SERGEF: variants seen among roughly 807,000 people sequenced by gnomAD.
The protein encoded by SERGEF is secretion regulating guanine nucleotide exchange factor.
In SERGEF, 51 loss-of-function variants were observed where a neutral mutation model predicts 50.0. The observed-to-expected ratio is 1.02, with a 90% confidence interval of 0.81 to 1.29. The LOEUF (loss-of-function observed/expected upper bound fraction) is 1.29, where lower values mean the gene tolerates loss of function less well. SERGEF is among the 50% of genes most tolerant of loss of function. The pLI is 0.00. For synonymous variants in SERGEF, 205 were observed against 212.4 expected (o/e 0.97, Z 0.30); for missense variants, 521 against 557.0 (o/e 0.94, Z 0.65).
At chr11:17,797,938 G>A (rs1849599216) in intron 10 of SERGEF, among the ~76,000 whole-genome samples, 1 of 152,158 alleles carries the variant, frequency 6.6e-6, no homozygotes, top group African/African-American at 2.4e-5. Flanking sequence ...GTCCCACAGT[G>A]GGCAGAGGCT....
At chr11:18,012,598 G>A (rs1437273731) in intron 1 of SERGEF, 7 of 1,179,488 alleles carry the variant, frequency 5.9e-6, no homozygotes, top group African/African-American at 3.3e-5. Flanking sequence ...CTCTGGGACC[G>A]GGCGATCCTC....
intron 9 of SERGEF, among the ~76,000 whole-genome samples, chr11:17,893,763 G>A (rs1426598868): frequency 6.6e-6 from 1 of 152,144 alleles, no homozygotes; most frequent in Non-Finnish European, 1.5e-5. Flanking sequence ...GAGATCAGAA[G>A]GCTGAACATA....
chr11:17,802,092 C>G (rs778450917), intron 10 of SERGEF, among the ~76,000 whole-genome samples: 1 of 152,178 alleles, frequency 6.6e-6, no homozygotes, highest in Non-Finnish European at 1.5e-5. Flanking sequence ...GCTGAGCTGC[C>G]AGGACTGCTG....
At chr11:17,865,982 G>C (rs568938880) in intron 10 of SERGEF, among the ~76,000 whole-genome samples, 1 of 152,320 alleles carries the variant, frequency 6.6e-6, no homozygotes, top group South Asian at 2.1e-4. Context: ...AGTAAATGCC[G>C]TATACAGATG....
At position 17,936,947 on chromosome 11, in the gene SERGEF, A is replaced by C. The variant is rs1436323889; in HGVS notation, c.1011+22523T>G. On this transcript the variant is annotated intron_variant, in intron 9 of 10. Transcript: ENST00000265965. ...TAATCCTAGAAATCCTTCCTGAGAA[A>C]ATAATCAGAGATTTGACCAAAGATT... 2.0e-5 allele frequency among the ~76,000 whole-genome samples: 3 copies of C among 152,314 alleles called. No individual in the cohort carries two copies. In the East Asian group the frequency reaches 5.8e-4, roughly 29 times the overall value.
chr11:17,866,179 G>A (rs979495597), intron 10 of SERGEF, among the ~76,000 whole-genome samples: 4 of 152,188 alleles, frequency 2.6e-5, no homozygotes, highest in Admixed American at 2.6e-4. Flanking sequence ...CTTCTGAATA[G>A]CACAAGCTAG....
chr11:17,856,559 C>G (rs960238372), intron 10 of SERGEF: 1 of 152,122 alleles, frequency 6.6e-6, no homozygotes, highest in Non-Finnish European at 1.5e-5. Flanking sequence ...TAATTATGAA[C>G]CTGTGTCTTT....
rs1244504939 is a variant in SERGEF, at chr11:17,865,796, AAG to A, written c.1048+12410_1048+12411del. ...GCTATGGTTAATTTACGTTTGAAGA[AAG>A]AGATTTTTTGTGTGTAATTCAGTGT... is the stretch of plus-strand genomic sequence containing the variant. On this transcript the variant is annotated intron_variant, in intron 10 of 10. Coordinates refer to ENST00000265965, the MANE Select transcript of SERGEF (RefSeq NM_012139.4). Among the ~76,000 whole-genome samples the A allele has an allele frequency of 8.5e-5, 13 of 152,320 alleles. No individual in the cohort carries two copies. In the South Asian group the frequency reaches 2.3e-3, roughly 27 times the overall value.
chr11:17,889,261 G>T (rs532426092), intron 9 of SERGEF, among the ~76,000 whole-genome samples: 34 of 152,286 alleles, frequency 2.2e-4, no homozygotes, highest in African/African-American at 7.7e-4. Context: ...AATTACAAAG[G>T]ATAAATGGTA....
intron 3 of SERGEF, among the ~76,000 whole-genome samples, chr11:18,004,911 C>T (rs1854042109): frequency 6.6e-6 from 1 of 152,178 alleles, no homozygotes; most frequent in South Asian, 2.1e-4. Flanking sequence ...TTCTAGGGGA[C>T]AGCGGTCATG....
chr11:17,952,901 C>T (rs1852797155), intron 9 of SERGEF, among the ~76,000 whole-genome samples: 1 of 152,178 alleles, frequency 6.6e-6, no homozygotes, highest in Non-Finnish European at 1.5e-5. Flanking sequence ...GGCTTCCCTT[C>T]TCCCTCTCCT....
At chr11:17,795,669 C>T (rs182108590) in intron 10 of SERGEF, among the ~76,000 whole-genome samples, 87 of 152,354 alleles carry the variant, frequency 5.7e-4, no homozygotes, top group African/African-American at 1.9e-3. Context: ...GTTCACATTG[C>T]CATGCTCTTG....
intron 10 of SERGEF, among the ~76,000 whole-genome samples, chr11:17,849,331 A>T (rs1274653068): frequency 6.6e-6 from 1 of 152,066 alleles, no homozygotes; most frequent in African/African-American, 2.4e-5. Flanking sequence ...GCATTTCCTG[A>T]CTCTGGGCAC....
At chr11:17,814,965 G>A (rs914598239) in intron 10 of SERGEF, among the ~76,000 whole-genome samples, 2 of 152,132 alleles carry the variant, frequency 1.3e-5, no homozygotes, top group African/African-American at 4.8e-5. Context: ...AGGATCGCTT[G>A]AGCCCAGGAG....
intron 10 of SERGEF, among the ~76,000 whole-genome samples, chr11:17,801,068 G>C (rs894344703): frequency 6.6e-6 from 1 of 151,924 alleles, no homozygotes; most frequent in South Asian, 2.1e-4. Context: ...GGTGGTGGGC[G>C]CCTGTAGTCC....
At chr11:17,962,893 A>G (rs1853037754) in intron 8 of SERGEF, among the ~76,000 whole-genome samples, 1 of 152,076 alleles carries the variant, frequency 6.6e-6, no homozygotes, top group Non-Finnish European at 1.5e-5. Context: ...TACGAAAATC[A>G]AAAGGCGGCC....
chr11:17,804,421 T>C (rs1043543899), intron 10 of SERGEF, among the ~76,000 whole-genome samples: 5 of 152,178 alleles, frequency 3.3e-5, no homozygotes, highest in Non-Finnish European at 7.3e-5. Context: ...TCCCAGACCA[T>C]AGTTTGGGAA....
chr11:17,825,825 G>C (rs1337496278), intron 10 of SERGEF, among the ~76,000 whole-genome samples: 2 of 152,300 alleles, frequency 1.3e-5, no homozygotes, highest in South Asian at 2.1e-4. Context: ...AAAAGGGCCA[G>C]GGTATACAGA....
chr11:17,868,530 C>T (rs1851074113), intron 10 of SERGEF, among the ~76,000 whole-genome samples: 1 of 152,170 alleles, frequency 6.6e-6, no homozygotes, highest in Admixed American at 6.5e-5. Flanking sequence ...TCTTCTGATC[C>T]CTCCAGACTG....
Sources: gnomAD v4.1 joint callset for allele counts (sites outside exome capture counted in the v4.1 genomes callset) on GRCh38, gnomAD v4.1.1 for gene constraint, MANE v1.5 for transcripts, NCBI Gene and HGNC (gene_info 2026-07-23, HGNC 2026-07-21) for gene names.